WDTC1: variants seen among roughly 807,000 people sequenced by gnomAD.
WDTC1 encodes the protein WD and tetratricopeptide repeats 1.
In WDTC1, 12 loss-of-function variants were observed where a neutral mutation model predicts 76.0. The ratio of observed to expected loss-of-function variants is 0.16; its 90% CI spans 0.10 to 0.26. The LOEUF (loss-of-function observed/expected upper bound fraction) is 0.26, where lower values mean the gene tolerates loss of function less well. Ranked by LOEUF, WDTC1 falls within the 10% of genes least tolerant of loss-of-function variation. The pLI is 1.00. For missense variants in WDTC1, 511 were observed against 908.8 expected (o/e 0.56, Z 5.63); for synonymous variants, 326 against 350.8 (o/e 0.93, Z 0.79).
Position 27,303,641 on chromosome 1 carries a change from G to T in WDTC1, c.1489G>T (p.Gly497Cys), listed in dbSNP as rs1290686577. The change falls in exon 14 of 16, where the codon GGC becomes TGC. Residue 497 changes from glycine (G) to cysteine (C), a missense_variant. Physicochemically the swap from Gly to Cys is radical, Grantham distance 159. Transcript: ENST00000319394. This position sits in a 1 kb window ranked among gnomAD's most constrained non-coding sequence, Gnocchi z 4.8. ...NDGEEKKGPGGGAPVRLRSTS... is the reference protein window; with the variant it reads ...NDGEEKKGPGCGAPVRLRSTS... ...CCCAGAGGAGAAGAAGGGACCTGGT[G>T]GCGGCGCCCCAGTCCGCCTCCGCAG... 1 of 1,602,678 alleles carries T rather than the reference G, an allele frequency of 6.2e-7. No individual in the cohort carries two copies. The highest frequency in any genetic ancestry group is 8.5e-7 in the Non-Finnish European group (1 of 1,176,022).
At position 27,296,371 on chromosome 1, in the gene WDTC1, C is replaced by G. The variant is rs761661276; in HGVS notation, c.919C>G (p.Leu307Val). The G allele has an allele frequency of 6.2e-7, 1 of 1,614,068 alleles. No individual in the cohort carries two copies. The highest frequency in any genetic ancestry group is 1.3e-5 in the African/African-American group (1 of 75,004). ...TTACAAGCAGCGGCCGTACACCTTC[C>G]TCTTGCCTAGAAAATGCCACTCCTC... ...LTYKQRPYTF[L>V]LPRKCHSSGE... Residue 307 changes from leucine to valine, a missense_variant, in exon 10 of 16, where the codon CTC (leucine) becomes GTC (valine). Physicochemically the swap from Leu to Val is conservative, Grantham distance 32. Transcript: ENST00000319394.
chr1:27,298,022 C>T lies in WDTC1; in HGVS notation c.1143C>T (p.Ala381=), dbSNP rs762200767. 2 of 1,614,044 alleles carry T rather than the reference C, an allele frequency of 1.2e-6. No homozygotes were observed. The highest frequency in any genetic ancestry group is 1.7e-6 in the Non-Finnish European group (2 of 1,179,998). ...EAFACQQWTQ[A]IQLYSKAVQR... ...TTGCCTGCCAGCAGTGGACCCAAGC[C>T]ATTCAGCTTTACAGCAAGGCTGTGC... Residue 381 remains alanine, a synonymous_variant, in exon 12 of 16, where the codon GCC becomes GCT. Coordinates refer to ENST00000319394, the MANE Select transcript of WDTC1 (RefSeq NM_001276252.2).
chr1:27,289,525 C>G (rs1471047968), intron 6 of WDTC1, among the ~76,000 whole-genome samples: 1 of 151,044 alleles, frequency 6.6e-6, no homozygotes, highest in African/African-American at 2.4e-5. Flanking sequence ...AGAGGGGCTC[C>G]TCACATCCCA....
intron 2 of WDTC1, among the ~76,000 whole-genome samples, chr1:27,262,255 A>T (rs1045816470): frequency 3.3e-5 from 5 of 151,874 alleles, no homozygotes; most frequent in Admixed American, 1.3e-4. Context: ...AAAAATTTTT[A>T]AAAAATCAAG....
At chr1:27,276,902 T>C (rs1339157571) in intron 3 of WDTC1, among the ~76,000 whole-genome samples, 2 of 152,144 alleles carry the variant, frequency 1.3e-5, no homozygotes, top group Non-Finnish European at 2.9e-5. Flanking sequence ...TGGGTTGTCC[T>C]TTTTTATTGT....
intron 3 of WDTC1, 119 bp from the exon 4 acceptor site, chr1:27,282,120 C>G: frequency 2.0e-6 from 2 of 983,796 alleles, no homozygotes; most frequent in Non-Finnish European, 3.1e-6. Flanking sequence ...CTCACATGCA[C>G]TTGGAAAATA....
chr1:27,303,748 C>T lies in WDTC1; in HGVS notation c.1596C>T (p.Gly532=). The T allele has an allele frequency of 6.2e-7, 1 of 1,614,098 alleles. No individual in the cohort carries two copies. Among genetic ancestry groups the T allele is most frequent in the Non-Finnish European group, 8.5e-7 (1 of 1,179,980 alleles). Residue 532 remains glycine (G), a synonymous_variant, in exon 14 of 16, where the codon GGC becomes GGT. Transcript: ENST00000319394. The surrounding 1 kb of genome is among the most constrained non-coding windows in gnomAD (Gnocchi z 4.8). ...ACGACTATCAGTTCCGCTACTGCGGCCACTGCAACACCACCACGGATATCA... is the reference window on the plus strand; with the variant it reads ...ACGACTATCAGTTCCGCTACTGCGGTCACTGCAACACCACCACGGATATCA... The part of the protein sequence containing the change: ...RSYDYQFRYC[G]HCNTTTDIKE...
At chr1:27,239,596 G>A (rs2011570159) in intron 1 of WDTC1, among the ~76,000 whole-genome samples, 1 of 150,344 alleles carries the variant, frequency 6.7e-6, no homozygotes, top group Non-Finnish European at 1.5e-5. Context: ...AGCTGATGTG[G>A]GCAGAGCTCA....
chr1:27,278,221 T>A (rs1417788720), intron 3 of WDTC1, among the ~76,000 whole-genome samples: 1 of 152,338 alleles, frequency 6.6e-6, no homozygotes, highest in East Asian at 1.9e-4. Context: ...TACTCACTTA[T>A]GTATTGCTTA....
chr1:27,269,541 C>A (rs912254838), intron 3 of WDTC1, among the ~76,000 whole-genome samples: 2 of 146,618 alleles, frequency 1.4e-5, no homozygotes, highest in Non-Finnish European at 3.0e-5. Context: ...AGACGATGGA[C>A]AATGGAGAGT....
intron 1 of WDTC1, among the ~76,000 whole-genome samples, chr1:27,258,087 G>A (rs914504200): frequency 2.6e-5 from 4 of 151,438 alleles, no homozygotes; most frequent in Admixed American, 6.6e-5. Context: ...TGCGCCTGGC[G>A]GTTCTTGTCT....
rs2013956881 is a variant in WDTC1 at position 27,306,393 on chromosome 1, C to A, written c.*10C>A. On this transcript the variant is annotated 3_prime_UTR_variant, in exon 16 of 16. Coordinates refer to ENST00000319394, the MANE Select transcript of WDTC1 (RefSeq NM_001276252.2). The surrounding 1 kb of genome is among the most constrained non-coding windows in gnomAD (Gnocchi z 5.0). ...GTGCCGGCCCAGCTAGACCCTCCAGCCCTGGTCCCCAGCCCCTGCTACTGG... is the reference window on the plus strand; with the variant it reads ...GTGCCGGCCCAGCTAGACCCTCCAGACCTGGTCCCCAGCCCCTGCTACTGG... 1.2e-6 allele frequency: 2 copies of A among 1,608,410 alleles called. No individual in the cohort carries two copies. Among genetic ancestry groups the A allele is most frequent in the Non-Finnish European group, 1.7e-6 (2 of 1,178,788 alleles).
intron 6 of WDTC1, among the ~76,000 whole-genome samples, chr1:27,291,797 A>C: frequency 6.6e-6 from 1 of 152,198 alleles, no homozygotes; most frequent in Non-Finnish European, 1.5e-5. Flanking sequence ...CCAGCTCTGC[A>C]CTTACTAGCA....
rs1224270745 is a variant in WDTC1, at chr1:27,303,715, G to A, written c.1563G>A (p.Glu521=). The change falls in exon 14 of 16, where the codon GAG becomes GAA. Residue 521 remains glutamate, a synonymous_variant. Coordinates refer to ENST00000319394, the MANE Select transcript of WDTC1 (RefSeq NM_001276252.2). The surrounding 1 kb of genome is among the most constrained non-coding windows in gnomAD (Gnocchi z 4.8). The part of the protein sequence containing the change: ...SISEDEMVLR[E]RSYDYQFRYC... ...CAGAGGATGAAATGGTGCTGCGGGA[G>A]CGAAGCTACGACTATCAGTTCCGCT... 6.2e-7 allele frequency: 1 copy of A among 1,613,984 alleles called. No homozygotes were observed. The highest frequency in any genetic ancestry group is 1.3e-5 in the African/African-American group (1 of 74,936).
At chr1:27,234,449 C>CG (rs1221544921), upstream of WDTC1, 2 of 252,608 alleles carry the variant, frequency 7.9e-6, no homozygotes, top group Non-Finnish European at 1.5e-5. Flanking sequence ...CACGGCGGTG[C>CG]GGGGCTCCCC....
At chr1:27,266,853 A>G (rs1416858740) in intron 3 of WDTC1, among the ~76,000 whole-genome samples, 1 of 152,134 alleles carries the variant, frequency 6.6e-6, no homozygotes, top group Non-Finnish European at 1.5e-5. Context: ...TTTCTTTATG[A>G]TCTGGGCAAA....
At chr1:27,252,792 C>G (rs772321095) in intron 1 of WDTC1, among the ~76,000 whole-genome samples, 4 of 150,990 alleles carry the variant, frequency 2.6e-5, no homozygotes, top group African/African-American at 4.9e-5. Flanking sequence ...ACCGAGACTC[C>G]GTCTCAAAAA....
chr1:27,299,435 C>T (rs1240435385), intron 12 of WDTC1, among the ~76,000 whole-genome samples: 1 of 151,536 alleles, frequency 6.6e-6, no homozygotes, highest in Non-Finnish European at 1.5e-5. Context: ...AAAGACATGG[C>T]GTCTGAATGG....
chr1:27,258,624 C>T (rs2012369926), intron 1 of WDTC1, among the ~76,000 whole-genome samples: 1 of 151,910 alleles, frequency 6.6e-6, no homozygotes, highest in Non-Finnish European at 1.5e-5. Flanking sequence ...GAGGCGTTAG[C>T]CCCAAAGAAC....
Sources: gnomAD v4.1 joint callset for allele counts (sites outside exome capture counted in the v4.1 genomes callset) on GRCh38, gnomAD v4.1.1 for gene constraint, Gnocchi (gnomAD v3.1) non-coding constraint, MANE v1.5 for transcripts, NCBI Gene and HGNC (gene_info 2026-07-23, HGNC 2026-07-21) for gene names.